Variants in TBL1XR1 observed in about 807,000 individuals in gnomAD.
The protein encoded by TBL1XR1 is F-box-like/WD repeat-containing protein TBL1XR1.
TBL1XR1 carries 5 observed loss-of-function variants against 66.9 expected under a neutral mutation model. That is an observed-to-expected ratio of 0.07 (90% confidence interval 0.04 to 0.16). The LOEUF (loss-of-function observed/expected upper bound fraction) is 0.16, where lower values mean the gene tolerates loss of function less well. Ranked by LOEUF, TBL1XR1 falls within the 10% of genes least tolerant of loss-of-function variation. The pLI, the probability that TBL1XR1 is intolerant of heterozygous loss-of-function variation, is 1.00. For synonymous variants in TBL1XR1, 210 were observed against 206.0 expected (o/e 1.02, Z -0.17); for missense variants, 238 against 623.2 (o/e 0.38, Z 6.58).
chr3:177,086,833 T>C (rs1722187793), intron 2 of TBL1XR1: 1 of 151,620 alleles, frequency 6.6e-6, no homozygotes, highest in African/African-American at 2.4e-5. Context: ...AACAACCTAG[T>C]TATGACCAGA....
At position 177,023,580 on chromosome 3, in the gene TBL1XR1, C is replaced by A. The variant is rs1325704697; in HGVS notation, c.*1918G>T. The A allele has an allele frequency of 2.0e-5, 3 of 152,474 alleles. No homozygotes were observed. The highest frequency in any genetic ancestry group is 7.2e-5 in the African/African-American group (3 of 41,424). The allele number at this position is 152,474 out of a possible 1,614,324, so 9.4% of individuals were successfully genotyped here. On this transcript the variant is annotated 3_prime_UTR_variant, in exon 16 of 16. Coordinates refer to ENST00000457928, the MANE Select transcript of TBL1XR1 (RefSeq NM_024665.7). ...ATTACAGTATCATAGTCCCCACTAA[C>A]AACAACTGGGGTACATATAACAATG... is the stretch of plus-strand genomic sequence containing the variant.
intron 1 of TBL1XR1, among the ~76,000 whole-genome samples, chr3:177,162,924 G>C (rs1304012154): frequency 2.6e-5 from 4 of 152,166 alleles, no homozygotes; most frequent in Non-Finnish European, 4.4e-5. Flanking sequence ...CAAGAACATG[G>C]GCAGAGACAC....
chr3:177,133,858 AGAGT>A (rs1209246237), intron 1 of TBL1XR1, among the ~76,000 whole-genome samples: 1 of 142,646 alleles, frequency 7.0e-6, no homozygotes, highest in African/African-American at 2.6e-5. Context: ...CCTGGGCGAA[AGAGT>A]GAGACTCCTA....
chr3:177,178,468 T>C (rs1251839233), intron 1 of TBL1XR1, among the ~76,000 whole-genome samples: 2 of 152,190 alleles, frequency 1.3e-5, no homozygotes, highest in East Asian at 3.8e-4. Context: ...AGACCATCCC[T>C]ATGCCACTTT....
chr3:177,060,045 T>G (rs1434045110), intron 3 of TBL1XR1, among the ~76,000 whole-genome samples: 1 of 152,198 alleles, frequency 6.6e-6, no homozygotes, highest in African/African-American at 2.4e-5. Flanking sequence ...TGGCCACAGA[T>G]GGAAAGCTGC....
chr3:177,131,607 T>C (rs567121751), intron 1 of TBL1XR1, among the ~76,000 whole-genome samples: 2 of 150,836 alleles, frequency 1.3e-5, no homozygotes, highest in South Asian at 4.2e-4. Context: ...GCTTCTCAGG[T>C]TCAAGTGATT....
intron 1 of TBL1XR1, among the ~76,000 whole-genome samples, chr3:177,156,577 A>T (rs1033864570): frequency 2.0e-5 from 3 of 150,126 alleles, no homozygotes; most frequent in South Asian, 2.1e-4. Context: ...ACATACATTT[A>T]TATATATATA....
intron 2 of TBL1XR1, chr3:177,079,514 A>C (rs1721136142): frequency 6.6e-6 from 1 of 151,736 alleles, no homozygotes; most frequent in Admixed American, 6.6e-5. Flanking sequence ...TAATTTTTTT[A>C]ATCTAAATGT....
rs1712506255 is a variant in TBL1XR1, at chr3:177,022,457, T to C, written c.*3041A>G. ...CAGGAAATGGGAACTGGAACAAATA[T>C]AAGAACTTATGGGATTTCCTACACG... On this transcript the variant is annotated 3_prime_UTR_variant, in exon 16 of 16. Coordinates refer to ENST00000457928, the MANE Select transcript of TBL1XR1 (RefSeq NM_024665.7). 6.6e-6 allele frequency: 1 copy of C among 152,486 alleles called. No homozygotes were observed. 9.4% of individuals were successfully genotyped at this position (152,486 alleles called of 1,614,324 possible).
chr3:177,193,890 C>T (rs1736484193), intron 1 of TBL1XR1, among the ~76,000 whole-genome samples: 1 of 152,180 alleles, frequency 6.6e-6, no homozygotes, highest in Non-Finnish European at 1.5e-5. Flanking sequence ...GAATTAACTT[C>T]TTTGCATCTC....
chr3:177,137,355 G>A lies in TBL1XR1; in HGVS notation c.-121-38814C>T, dbSNP rs1370301858. ...AAAAATACAAAAATCGTCAGGGCGTGGTGGTGTGTGCCTGTAGTCCCGGTT... is the reference window on the plus strand; with the variant it reads ...AAAAATACAAAAATCGTCAGGGCGTAGTGGTGTGTGCCTGTAGTCCCGGTT... On this transcript the variant is annotated intron_variant, in intron 1 of 15. Coordinates refer to ENST00000457928, the MANE Select transcript of TBL1XR1 (RefSeq NM_024665.7). Among the ~76,000 whole-genome samples the A allele has an allele frequency of 2.0e-5, 3 of 152,068 alleles. No individual in the cohort carries two copies. The East Asian group carries it at 5.8e-4, about 30-fold the overall frequency.
chr3:177,192,507 A>C (rs1417556145), intron 1 of TBL1XR1, among the ~76,000 whole-genome samples: 1 of 151,888 alleles, frequency 6.6e-6, no homozygotes, highest in African/African-American at 2.4e-5. Flanking sequence ...GCATGCAAAA[A>C]AGATCCACCA....
chr3:177,050,159 T>C, intron 6 of TBL1XR1, 21 bp from the exon 7 acceptor site: 2 of 1,610,012 alleles, frequency 1.2e-6, no homozygotes, highest in Non-Finnish European at 1.7e-6. Flanking sequence ...ATGCAATATA[T>C]TTTAGATCCT....
intron 14 of TBL1XR1, among the ~76,000 whole-genome samples, chr3:177,030,706 T>C (rs1713863507): frequency 6.6e-6 from 1 of 152,240 alleles, no homozygotes; most frequent in South Asian, 2.1e-4. Context: ...AAATGTATAA[T>C]TATTAAAAGT....
At chr3:177,050,715 T>A in intron 5 of TBL1XR1, 105 bp from the exon 6 acceptor site, 2 of 1,287,682 alleles carry the variant, frequency 1.6e-6, no homozygotes, top group Non-Finnish European at 2.2e-6. Flanking sequence ...GCACACAGTG[T>A]AACATTTTTC....
chr3:177,161,783 CAA>C (rs35673622), intron 1 of TBL1XR1, among the ~76,000 whole-genome samples: 357 of 128,846 alleles, frequency 2.8e-3, no homozygotes, highest in Admixed American at 4.0e-3. Flanking sequence ...GACTCTGACT[CAA>C]AAAAAAAAAA....
chr3:177,022,564 A>G lies in TBL1XR1; in HGVS notation c.*2934T>C, dbSNP rs1274198873. 1.3e-5 allele frequency: 2 copies of G among 152,552 alleles called. No homozygotes were observed. The highest frequency in any genetic ancestry group is 2.9e-5 in the Non-Finnish European group (2 of 67,980). The allele number at this position is 152,552 out of a possible 1,614,324, so 9.4% of individuals were successfully genotyped here. A position where few individuals can be genotyped will look rare whatever the true frequency, so the allele number is the denominator to read the frequency against. ...ATTCCATTTTAATCAATGAGTATTG[A>G]TTCAAGTTTTCCTTTCTATTTTTCC... On this transcript the variant is annotated 3_prime_UTR_variant, in exon 16 of 16. Coordinates refer to ENST00000457928, the MANE Select transcript of TBL1XR1 (RefSeq NM_024665.7).
chr3:177,046,746 TAA>T (rs147584687), intron 9 of TBL1XR1, among the ~76,000 whole-genome samples: 2,436 of 152,274 alleles, frequency 0.016, 71 homozygotes, highest in African/African-American at 0.056. Flanking sequence ...CTGAATTTTA[TAA>T]AGAGTGAACT....
chr3:177,161,971 A>T lies in TBL1XR1; in HGVS notation c.-122+35150T>A, dbSNP rs569470634. Among the ~76,000 whole-genome samples, 3 of 152,346 alleles carry T rather than the reference A, an allele frequency of 2.0e-5. No homozygotes were observed. The South Asian group carries it at 6.2e-4, about 32-fold the overall frequency. The stretch of plus-strand genomic sequence containing the variant: ...AACTAAAAATATTAAGTGTTGACAA[A>T]AACACAGAGCAACTAGAACTTACAA... On this transcript the variant is annotated intron_variant, in intron 1 of 15. Transcript: ENST00000457928.
Sources: gnomAD v4.1 joint callset for allele counts (sites outside exome capture counted in the v4.1 genomes callset) on GRCh38, gnomAD v4.1.1 for gene constraint, MANE v1.5 for transcripts, NCBI Gene and HGNC (gene_info 2026-07-23, HGNC 2026-07-21) for gene names.